TKT: variants seen among roughly 807,000 people sequenced by gnomAD.
The protein encoded by TKT is transketolase.
In TKT, 47 loss-of-function variants were observed where a neutral mutation model predicts 63.9. That is an observed-to-expected ratio of 0.74 (90% CI 0.58 to 0.94). The LOEUF is 0.94. TKT is among the 40% of genes least tolerant of loss of function. The pLI is 0.00. For missense variants in TKT, 721 were observed against 846.2 expected (o/e 0.85, Z 1.84); for synonymous variants, 338 against 334.1 (o/e 1.01, Z -0.13).
chr3:53,248,459 C>T (rs994717077), intron 1 of TKT, among the ~76,000 whole-genome samples: 18 of 152,094 alleles, frequency 1.2e-4, no homozygotes, highest in Non-Finnish European at 2.6e-4. Context: ...AGCAACATAC[C>T]CTGTCTCTAC....
intron 10 of TKT, 163 bp downstream of exon 10, chr3:53,228,844 G>T (rs1553676196): frequency 2.1e-6 from 2 of 964,778 alleles, no homozygotes; most frequent in Non-Finnish European, 3.1e-6. Context: ...AGTGGGGTGT[G>T]TATTTCGTTT....
chr3:53,226,900 G>A (rs782158521), intron 12 of TKT, 22 bp from the exon 13 acceptor site: 15 of 1,581,898 alleles, frequency 9.5e-6, no homozygotes, highest in East Asian at 9.0e-5. Flanking sequence ...AGCACACGGC[G>A]TGGCTGAGGG....
At chr3:53,238,812 T>A (rs1705147013) in intron 4 of TKT, among the ~76,000 whole-genome samples, 1 of 152,220 alleles carries the variant, frequency 6.6e-6, no homozygotes, top group Non-Finnish European at 1.5e-5. Flanking sequence ...GGGTCACGGT[T>A]CTCACACCAC....
chr3:53,228,077 C>A lies in TKT; in HGVS notation c.1552G>T (p.Ala518Ser). ...TCACCTTTCTTCAGCAGTTCGGCAG[C>A]GGCCAAGGCCTCGTGCAGGGTCACC... ...AGVTLHEALA[A>S]AELLKKEKIN... The change falls in exon 12 of 14, where the codon GCT (alanine) becomes TCT (serine). Residue 518 changes from alanine to serine, a missense_variant. Coordinates refer to ENST00000462138, the MANE Select transcript of TKT (RefSeq NM_001064.4). 6.2e-7 allele frequency: 1 copy of A among 1,612,960 alleles called. No individual in the cohort carries two copies. The highest frequency in any genetic ancestry group is 8.5e-7 in the Non-Finnish European group (1 of 1,179,976).
chr3:53,244,343 G>A (rs1269472436), intron 1 of TKT, among the ~76,000 whole-genome samples: 1 of 152,204 alleles, frequency 6.6e-6, no homozygotes, highest in African/African-American at 2.4e-5. Flanking sequence ...CTTGGGCTTC[G>A]TGACTTCAAC....
intron 13 of TKT, chr3:53,226,520 C>T: frequency 1.8e-6 from 1 of 544,088 alleles, no homozygotes. Flanking sequence ...TTGGAATCCT[C>T]ACCAGCTTCC....
At chr3:53,227,882 C>A (rs190268855) in intron 12 of TKT, 174 bp downstream of exon 12, 7 of 607,748 alleles carry the variant, frequency 1.2e-5, no homozygotes, top group Non-Finnish European at 2.0e-5. Context: ...ACATGCCAGA[C>A]AGAACAAGTG....
At chr3:53,244,404 G>C (rs1184276390) in intron 1 of TKT, among the ~76,000 whole-genome samples, 1 of 152,102 alleles carries the variant, frequency 6.6e-6, no homozygotes, top group Non-Finnish European at 1.5e-5. Context: ...AGAGTGTCTG[G>C]GAGACACAGT....
intron 1 of TKT, among the ~76,000 whole-genome samples, chr3:53,247,333 G>A (rs1332996353): frequency 1.5e-5 from 2 of 136,084 alleles, no homozygotes; most frequent in Non-Finnish European, 3.1e-5. Flanking sequence ...CTCCAGCCTG[G>A]GAGACAAGAG....
chr3:53,252,562 T>C lies in TKT; in HGVS notation c.107+3274A>G, dbSNP rs558179939. On this transcript the variant is annotated intron_variant, in intron 1 of 13. Coordinates refer to ENST00000462138, the MANE Select transcript of TKT (RefSeq NM_001064.4). The stretch of plus-strand genomic sequence containing the variant: ...TGGATATTTTTTGAGTTCAGTGAGC[T>C]TCCCTCTCCAAGACATTACAATGTA... 2.6e-5 allele frequency among the ~76,000 whole-genome samples: 4 copies of C among 152,324 alleles called. No individual in the cohort carries two copies. The East Asian group carries it at 7.7e-4, about 29-fold the overall frequency.
intron 6 of TKT, 71 bp downstream of exon 6, chr3:53,233,085 G>T: frequency 1.5e-6 from 2 of 1,315,456 alleles, no homozygotes; most frequent in East Asian, 2.4e-5. Flanking sequence ...CTGGATGTGC[G>T]GGTCAGAGCT....
chr3:53,239,965 G>A (rs1705197780), intron 4 of TKT, among the ~76,000 whole-genome samples: 1 of 152,208 alleles, frequency 6.6e-6, no homozygotes, highest in Non-Finnish European at 1.5e-5. Context: ...TCTGGCTGAA[G>A]AGCACATGAT....
At chr3:53,232,384 C>T in intron 6 of TKT, 1 of 398,810 alleles carries the variant, frequency 2.5e-6, no homozygotes, top group Non-Finnish European at 4.4e-6. Context: ...TCCTCATATA[C>T]CTGAGTCTAC....
chr3:53,234,715 G>A (rs935948795), intron 5 of TKT: 10 of 348,386 alleles, frequency 2.9e-5, no homozygotes, highest in African/African-American at 1.3e-4. Context: ...GCGAGCTGAC[G>A]TGAGATGGTG....
chr3:53,255,716 CG>C, intron 1 of TKT, 119 bp downstream of exon 1: 1 of 603,168 alleles, frequency 1.7e-6, no homozygotes. Flanking sequence ...CGACGGCGCC[CG>C]GGCCACCTTC....
chr3:53,247,941 C>T (rs576834428), intron 1 of TKT, among the ~76,000 whole-genome samples: 3 of 152,294 alleles, frequency 2.0e-5, no homozygotes, highest in Admixed American at 6.5e-5. Context: ...TCCTTGAGGA[C>T]AGAGCTTTGG....
chr3:53,229,329 G>T lies in TKT; in HGVS notation c.1215C>A (p.Ile405=), dbSNP rs1268377774. 6.2e-7 allele frequency: 1 copy of T among 1,613,968 alleles called. No individual in the cohort carries two copies. Among genetic ancestry groups the T allele is most frequent in the Non-Finnish European group, 8.5e-7 (1 of 1,180,002 alleles). Residue 405 remains isoleucine (I), a synonymous_variant, in exon 9 of 14, where the codon ATC becomes ATA. Transcript: ENST00000462138. ...RAFDQIRMAA[I]SESNINLCGS... is the part of the protein sequence containing the mutation. Reference sequence around the variant, plus strand: ...CGCAGAGGTTGATGTTGCTCTCGGAGATGGCGGCCATGCGAATCTGGTCAA... The same window carrying T: ...CGCAGAGGTTGATGTTGCTCTCGGATATGGCGGCCATGCGAATCTGGTCAA...
At chr3:53,230,666 A>G (rs1704713183) in intron 7 of TKT, 45 bp from the exon 8 acceptor site, 7 of 1,607,606 alleles carry the variant, frequency 4.4e-6, no homozygotes, top group Non-Finnish European at 6.0e-6. Flanking sequence ...TCTGAGGGTG[A>G]GTGCACACCT....
intron 7 of TKT, 135 bp from the exon 8 acceptor site, chr3:53,230,756 G>T (rs1704719177): frequency 9.5e-7 from 1 of 1,049,348 alleles, no homozygotes. Flanking sequence ...TCCTGCAGAG[G>T]CTTTTAACTG....
Sources: allele counts gnomAD v4.1 joint callset (sites outside exome capture counted in the v4.1 genomes callset), GRCh38; gene constraint gnomAD v4.1.1; transcripts MANE v1.5; gene names NCBI Gene and HGNC (gene_info 2026-07-23, HGNC 2026-07-21).